The following LINGO2 variants were observed in gnomAD, a reference collection of about 807,000 sequenced individuals.
LINGO2 encodes leucine rich repeat and Ig domain containing 2, also known as leucine-rich repeat and immunoglobulin-like domain-containing nogo receptor-interacting protein 2.
Under a neutral mutation model 30.6 loss-of-function variants are expected in LINGO2, and 14 were observed. That is an observed-to-expected ratio of 0.46 (90% CI 0.30 to 0.72). LINGO2 has a LOEUF of 0.72. Ranked by LOEUF, LINGO2 falls within the 30% of genes least tolerant of loss-of-function variation. The probability of loss-of-function intolerance (pLI) is 0.07; values close to 1 mark genes in which losing one functional copy is unlikely to be tolerated. For synonymous variants in LINGO2, 317 were observed against 288.5 expected (o/e 1.10, Z -1.00); for missense variants, 729 against 751.7 (o/e 0.97, Z 0.35).
chr9:28,689,236 T>A, the LINGO2 span, among the ~76,000 whole-genome samples: 1 of 152,074 alleles, frequency 6.6e-6, no homozygotes, highest in South Asian at 2.1e-4. Flanking sequence ...CAACAGAAAC[T>A]TATGACCACC....
chr9:28,454,706 G>C (rs1824779753), intron 2 of LINGO2, among the ~76,000 whole-genome samples: 1 of 151,854 alleles, frequency 6.6e-6, no homozygotes, highest in Non-Finnish European at 1.5e-5. Flanking sequence ...ACTGCAAAAG[G>C]AATCAATTCA....
chr9:28,409,271 T>C (rs550785877), intron 2 of LINGO2, among the ~76,000 whole-genome samples: 33 of 152,242 alleles, frequency 2.2e-4, no homozygotes, highest in Admixed American at 7.9e-4. Context: ...TACATTTACA[T>C]AGAGTTCAGC....
chr9:28,541,993 C>T (rs1821721426), intron 1 of LINGO2, among the ~76,000 whole-genome samples: 1 of 152,078 alleles, frequency 6.6e-6, no homozygotes, highest in African/African-American at 2.4e-5. Context: ...AGAATGGGTG[C>T]ATTCCTGGAA....
At chr9:29,110,630 G>T in the LINGO2 span, among the ~76,000 whole-genome samples, 1 of 151,548 alleles carries the variant, frequency 6.6e-6, no homozygotes, top group Non-Finnish European at 1.5e-5. Flanking sequence ...CACCGCGCCC[G>T]GCCACAGCTA....
At chr9:28,512,661 A>C (rs1820456956) in intron 1 of LINGO2, among the ~76,000 whole-genome samples, 1 of 85,214 alleles carries the variant, frequency 1.2e-5, no homozygotes, top group African/African-American at 3.8e-5. Flanking sequence ...ACACACACAC[A>C]CATATGGATA....
chr9:28,783,020 T>C, the LINGO2 span, among the ~76,000 whole-genome samples: 2 of 152,226 alleles, frequency 1.3e-5, no homozygotes, highest in African/African-American at 4.8e-5. Flanking sequence ...TATACATATC[T>C]AAATGCAGAA....
At chr9:29,037,520 A>T in the LINGO2 span, among the ~76,000 whole-genome samples, 1 of 151,980 alleles carries the variant, frequency 6.6e-6, no homozygotes, top group Non-Finnish European at 1.5e-5. Flanking sequence ...CACATTGATC[A>T]GCGATGCCAC....
At chr9:28,832,332 T>G in the LINGO2 span, among the ~76,000 whole-genome samples, 1 of 152,298 alleles carries the variant, frequency 6.6e-6, no homozygotes. Context: ...TAAACATGCT[T>G]TTACAATTTG....
chr9:29,123,880 T>C, the LINGO2 span, among the ~76,000 whole-genome samples: 1 of 152,136 alleles, frequency 6.6e-6, no homozygotes, highest in African/African-American at 2.4e-5. Flanking sequence ...ACATGTATTG[T>C]TGTTCTTGCT....
chr9:28,594,292 C>T (rs1338970802), intron 1 of LINGO2, among the ~76,000 whole-genome samples: 5 of 152,022 alleles, frequency 3.3e-5, no homozygotes, highest in South Asian at 2.1e-4. Flanking sequence ...TCATATTTAA[C>T]GTAATTTTCT....
intron 1 of LINGO2, among the ~76,000 whole-genome samples, chr9:28,582,360 A>G (rs976809886): frequency 2.0e-5 from 3 of 152,196 alleles, no homozygotes; most frequent in African/African-American, 7.2e-5. Flanking sequence ...CAAGCTGTAA[A>G]ATTCAGTCAA....
At chr9:28,335,350 GGATCTC>G (rs1282694414) in intron 3 of LINGO2, among the ~76,000 whole-genome samples, 1 of 152,124 alleles carries the variant, frequency 6.6e-6, no homozygotes, top group Non-Finnish European at 1.5e-5. Context: ...AACCCTCCAG[GGATCTC>G]GCATTGTAGC....
the LINGO2 span, among the ~76,000 whole-genome samples, chr9:29,162,432 G>T: frequency 6.6e-6 from 1 of 152,068 alleles, no homozygotes; most frequent in African/African-American, 2.4e-5. Context: ...TCTGTAATAG[G>T]TTATAAACTT....
intron 3 of LINGO2, among the ~76,000 whole-genome samples, chr9:28,327,851 C>T (rs969829221): frequency 1.3e-5 from 2 of 151,494 alleles, no homozygotes; most frequent in Admixed American, 6.6e-5. Context: ...TATCATTAAA[C>T]GTCTAGTGTA....
At chr9:28,383,894 T>C (rs938164632) in intron 2 of LINGO2, among the ~76,000 whole-genome samples, 1 of 152,080 alleles carries the variant, frequency 6.6e-6, no homozygotes, top group Non-Finnish European at 1.5e-5. Flanking sequence ...TAGGTTTGCA[T>C]AGAATCCCTG....
the LINGO2 span, among the ~76,000 whole-genome samples, chr9:28,880,696 T>G: frequency 2.0e-5 from 3 of 152,140 alleles, no homozygotes; most frequent in Non-Finnish European, 4.4e-5. Context: ...GCAGTTGAGA[T>G]AGAGGAAGGC....
rs924979100 is a variant in LINGO2, at chr9:28,217,143, A to C, written c.-87+78065T>G. Among the ~76,000 whole-genome samples the C allele has an allele frequency of 6.0e-5, 9 of 150,356 alleles. No homozygotes were observed. In the East Asian group the frequency reaches 1.7e-3, roughly 29 times the overall value. ...AATGTATACATATAATATAAATAAT[A>C]CTACATATTATATACTGTATATATA... On this transcript the variant is annotated intron_variant, in intron 4 of 5. Transcript: ENST00000379992.
At chr9:28,853,754 C>T in the LINGO2 span, among the ~76,000 whole-genome samples, 1 of 151,892 alleles carries the variant, frequency 6.6e-6, no homozygotes, top group Non-Finnish European at 1.5e-5. Context: ...CTTGTGAGAA[C>T]TCACTGTCAT....
chr9:28,052,247 T>TA (rs1158815342), intron 4 of LINGO2, among the ~76,000 whole-genome samples: 5 of 152,128 alleles, frequency 3.3e-5, no homozygotes, highest in African/African-American at 1.2e-4. Flanking sequence ...GGAAGTGTTG[T>TA]AAGTTTGAGA....
Sources: allele counts gnomAD v4.1 joint callset (sites outside exome capture counted in the v4.1 genomes callset), GRCh38; gene constraint gnomAD v4.1.1; transcripts MANE v1.5; gene names NCBI Gene and HGNC (gene_info 2026-07-23, HGNC 2026-07-21).